NCOA3: variants seen among roughly 807,000 people sequenced by gnomAD.
The protein encoded by NCOA3 is CBP-interacting protein.
Under a neutral mutation model 158.8 loss-of-function variants are expected in NCOA3, and 51 were observed. The observed-to-expected ratio is 0.32, with a 90% CI of 0.26 to 0.41. NCOA3 has a LOEUF of 0.41. Among genes scored for constraint, NCOA3 ranks in the 10% least tolerant of loss-of-function variants. The pLI is 1.00. For missense variants in NCOA3, 1,510 were observed against 1,746.6 expected (o/e 0.86, Z 2.41); for synonymous variants, 537 against 592.4 (o/e 0.91, Z 1.36).
chr20:47,593,062 T>C (rs918575120), intron 2 of NCOA3, among the ~76,000 whole-genome samples: 4 of 152,072 alleles, frequency 2.6e-5, no homozygotes, highest in African/African-American at 9.7e-5. Flanking sequence ...GCCTCTCAAG[T>C]AGCTCGGGTT....
intron 1 of NCOA3, among the ~76,000 whole-genome samples, chr20:47,511,550 T>TATATATATATATATATATACACACAC: frequency 3.8e-5 from 2 of 52,270 alleles, no homozygotes; most frequent in East Asian, 8.6e-4. Context: ...TATATATATA[T>TATATATATATATATATATACACACAC]ATATATTTCT....
intron 1 of NCOA3, among the ~76,000 whole-genome samples, chr20:47,549,090 GTGGT>G (rs2084886609): frequency 1.3e-5 from 2 of 151,922 alleles, no homozygotes; most frequent in Non-Finnish European, 2.9e-5. Flanking sequence ...GTTGCCTAGG[GTGGT>G]CTCGAGCTCT....
intron 2 of NCOA3, among the ~76,000 whole-genome samples, chr20:47,608,841 G>A (rs749236057): frequency 1.3e-5 from 2 of 152,092 alleles, no homozygotes; most frequent in African/African-American, 2.4e-5. Flanking sequence ...TCACCTTGTT[G>A]TATTTGGTAT....
At chr20:47,535,601 A>G (rs188301126) in intron 1 of NCOA3, among the ~76,000 whole-genome samples, 1 of 151,162 alleles carries the variant, frequency 6.6e-6, no homozygotes, top group Non-Finnish European at 1.5e-5. Flanking sequence ...TCCTCCTCCC[A>G]GGTTCAAGTG....
intron 15 of NCOA3, 39 bp from the exon 16 acceptor site, chr20:47,639,886 T>C (rs771369407): frequency 1.2e-6 from 2 of 1,613,260 alleles, no homozygotes; most frequent in Non-Finnish European, 8.5e-7. Flanking sequence ...TAATTTTTGC[T>C]CTTATTTGAG....
intron 2 of NCOA3, among the ~76,000 whole-genome samples, chr20:47,590,790 A>G (rs765275044): frequency 3.3e-5 from 5 of 152,152 alleles, no homozygotes; most frequent in Non-Finnish European, 4.4e-5. Context: ...CATCCTGGGC[A>G]AGAGACCAAG....
At chr20:47,511,556 T>TATATACACACACACACATACACATATA (rs1569310943) in intron 1 of NCOA3, among the ~76,000 whole-genome samples, 1 of 30,198 alleles carries the variant, frequency 3.3e-5, no homozygotes, top group African/African-American at 6.5e-5. Flanking sequence ...TATATATATA[T>TATATACACACACACACATACACATATA]TTCTTTTTTT....
chr20:47,600,829 A>AG (rs1431215534), intron 2 of NCOA3, among the ~76,000 whole-genome samples: 1 of 152,018 alleles, frequency 6.6e-6, no homozygotes, highest in Non-Finnish European at 1.5e-5. Context: ...AAAAAAAAAA[A>AG]AAAAGATAGA....
intron 5 of NCOA3, among the ~76,000 whole-genome samples, chr20:47,625,695 T>C (rs1298562574): frequency 2.0e-5 from 3 of 152,098 alleles, no homozygotes; most frequent in Non-Finnish European, 4.4e-5. Context: ...AGTAAAAATA[T>C]AGTTGCAAAC....
chr20:47,533,478 A>G (rs894752918), intron 1 of NCOA3, among the ~76,000 whole-genome samples: 3 of 152,118 alleles, frequency 2.0e-5, no homozygotes, highest in Non-Finnish European at 2.9e-5. Context: ...TTTTGTATGT[A>G]TATCTTTCCA....
At chr20:47,554,574 A>G (rs1420956250) in intron 1 of NCOA3, among the ~76,000 whole-genome samples, 1 of 129,246 alleles carries the variant, frequency 7.7e-6, no homozygotes, top group Non-Finnish European at 1.6e-5. Context: ...CAGACAAACA[A>G]AGAGCCAAAT....
At chr20:47,504,918 A>G (rs999002077) in intron 1 of NCOA3, among the ~76,000 whole-genome samples, 6 of 150,234 alleles carry the variant, frequency 4.0e-5, no homozygotes, top group Non-Finnish European at 8.9e-5. Flanking sequence ...AATAAATTTT[A>G]GTTTGGACAA....
Position 47,636,242 on chromosome 20 carries a change from A to C in NCOA3, c.1856A>C (p.Lys619Thr). The C allele has an allele frequency of 6.2e-7, 1 of 1,614,188 alleles. No homozygotes were observed. The highest frequency in any genetic ancestry group is 8.5e-7 in the Non-Finnish European group (1 of 1,180,038). The change falls in exon 12 of 23, where the codon AAA (lysine) becomes ACA (threonine). Residue 619 changes from lysine to threonine, a missense_variant. Transcript: ENST00000371998. ...GGTCCTTTGGAAAGCAAAGGTCATA[A>C]AAAATTACTGCAGTTACTTACCTGT... ...QRGPLESKGH[K>T]KLLQLLTCSS... is the part of the protein sequence containing the mutation.
intron 1 of NCOA3, among the ~76,000 whole-genome samples, chr20:47,515,461 T>C (rs2084217191): frequency 6.7e-6 from 1 of 150,072 alleles, no homozygotes; most frequent in South Asian, 2.1e-4. Flanking sequence ...ACCCGAGCTT[T>C]TTCTTTCTTT....
rs762833136 is a variant in NCOA3, at chr20:47,651,325, G to C, written c.3946+49G>C. ...CCTTCCCCAAGTTAACATTACTAAGGACATAAGCTTCATTACATTTATTGC... is the reference window on the plus strand; with the variant it reads ...CCTTCCCCAAGTTAACATTACTAAGCACATAAGCTTCATTACATTTATTGC... On this transcript the variant is annotated intron_variant, in intron 20 of 22. Transcript: ENST00000371998. 5.2e-6 allele frequency: 8 copies of C among 1,548,572 alleles called. No individual in the cohort carries two copies. In the African/African-American group the frequency reaches 1.1e-4, roughly 21 times the overall value.
At chr20:47,507,356 AAAAG>A (rs2084045489) in intron 1 of NCOA3, among the ~76,000 whole-genome samples, 1 of 152,212 alleles carries the variant, frequency 6.6e-6, no homozygotes, top group African/African-American at 2.4e-5. Flanking sequence ...CTTTAAAAAG[AAAAG>A]AAAGCATGTT....
chr20:47,633,673 A>G (rs374105962), intron 9 of NCOA3, 37 bp downstream of exon 9: 3 of 1,595,768 alleles, frequency 1.9e-6, no homozygotes, highest in Non-Finnish European at 2.6e-6. Flanking sequence ...TTATCATTTT[A>G]TTCTTTAGAG....
chr20:47,635,839 G>T, intron 11 of NCOA3, 52 bp from the exon 12 acceptor site: 1 of 1,526,866 alleles, frequency 6.5e-7, no homozygotes, highest in South Asian at 1.3e-5. Context: ...GTTGTATTTT[G>T]TTACAGTGTC....
At chr20:47,597,890 A>T (rs559509301) in intron 2 of NCOA3, among the ~76,000 whole-genome samples, 1 of 152,140 alleles carries the variant, frequency 6.6e-6, no homozygotes, top group South Asian at 2.1e-4. Context: ...GCCCGTTAAC[A>T]TATTAATCAT....
Sources: gnomAD v4.1 joint callset for allele counts (sites outside exome capture counted in the v4.1 genomes callset) on GRCh38, gnomAD v4.1.1 for gene constraint, MANE v1.5 for transcripts, NCBI Gene and HGNC (gene_info 2026-07-23, HGNC 2026-07-21) for gene names.